Variants in CDC5L observed in about 807,000 individuals in gnomAD.
CDC5L encodes the protein cell division cycle 5 like, also known as cell division cycle 5-like protein.
CDC5L carries 18 observed loss-of-function variants against 104.1 expected under a neutral mutation model. The ratio of observed to expected loss-of-function variants is 0.17; its 90% CI spans 0.12 to 0.26. The LOEUF is 0.26. Among genes scored for constraint, CDC5L ranks in the 10% least tolerant of loss-of-function variants. The pLI is 1.00. For synonymous variants in CDC5L, 331 were observed against 322.7 expected, an observed-to-expected ratio of 1.03 and a Z score of -0.28; for missense variants, 673 against 956.9, an observed-to-expected ratio of 0.70 and a Z score of 3.91.
intron 2 of CDC5L, among the ~76,000 whole-genome samples, chr6:44,392,335 G>A (rs1436764818): frequency 5.3e-5 from 8 of 152,186 alleles, no homozygotes; most frequent in African/African-American, 1.4e-4. Flanking sequence ...TGTAAGAAAC[G>A]TGATTTTGTA....
intron 11 of CDC5L, 60 bp downstream of exon 11, chr6:44,424,643 A>G: frequency 6.5e-7 from 1 of 1,527,736 alleles, no homozygotes; most frequent in African/African-American, 1.4e-5. Flanking sequence ...GGCTGGAAGA[A>G]TGAAGAATAG....
intron 6 of CDC5L, among the ~76,000 whole-genome samples, chr6:44,405,865 G>T (rs185847488): frequency 5.3e-4 from 80 of 151,738 alleles, no homozygotes; most frequent in African/African-American, 1.8e-3. Context: ...TGGTGTAGGG[G>T]ACTACTTAAT....
chr6:44,408,727 T>C, intron 8 of CDC5L, 95 bp downstream of exon 8: 1 of 897,238 alleles, frequency 1.1e-6, no homozygotes, highest in Non-Finnish European at 1.6e-6. Context: ...GTGTTTCTTT[T>C]AGTGTAAATG....
At position 44,450,370 on chromosome 6, in the gene CDC5L, T is replaced by C. The variant is rs1288388739; in HGVS notation, c.*3659T>C. The C allele has an allele frequency of 6.6e-6, 1 of 152,224 alleles. No homozygotes were observed. The highest frequency in any genetic ancestry group is 2.4e-5 in the African/African-American group (1 of 41,450). The allele number at this position is 152,224 out of a possible 1,614,324, so 9.4% of individuals were successfully genotyped here. On this transcript the variant is annotated 3_prime_UTR_variant, in exon 16 of 16. Coordinates refer to ENST00000371477, the MANE Select transcript of CDC5L (RefSeq NM_001253.4). Reference sequence around the variant, plus strand: ...CTGTCAGTTTCTTTTGTGACTATTATGTTACCTATTTTTAAATTTAAGCAA... The same window carrying C: ...CTGTCAGTTTCTTTTGTGACTATTACGTTACCTATTTTTAAATTTAAGCAA...
chr6:44,419,566 A>G lies in CDC5L; in HGVS notation c.1210A>G (p.Thr404Ala), dbSNP rs183206100. The G allele has an allele frequency of 6.2e-7, 1 of 1,613,690 alleles. No homozygotes were observed. The highest frequency in any genetic ancestry group is 1.3e-5 in the African/African-American group (1 of 75,006). The change falls in exon 9 of 16, where the codon ACT becomes GCT. Residue 404 changes from threonine to alanine, a missense_variant. Physicochemically the swap from Thr to Ala is moderately conservative, Grantham distance 58. This residue lies in a region of CDC5L where 578 missense variants were observed against 737.0 expected (regional missense o/e 0.78). Coordinates refer to ENST00000371477, the MANE Select transcript of CDC5L (RefSeq NM_001253.4). ...GVTPQRQVVQ[T>A]PNTVLSTPFR... ...AACTCCACAGCGACAAGTTGTACAGACTCCAAACACAGTTCTCTCTACTCC... is the reference window on the plus strand; with the variant it reads ...AACTCCACAGCGACAAGTTGTACAGGCTCCAAACACAGTTCTCTCTACTCC...
At chr6:44,427,080 A>T (rs1022485447) in intron 13 of CDC5L, among the ~76,000 whole-genome samples, 34 of 152,222 alleles carry the variant, frequency 2.2e-4, no homozygotes, top group African/African-American at 8.0e-4. Context: ...TATTTAGAAT[A>T]ATATGAAGAG....
Position 44,426,239 on chromosome 6 carries a change from T to C in CDC5L, c.1650+56T>C, listed in dbSNP as rs548016032. ...TTTAAGTTTCTTTTTATATGATTGCTGCGTTTTACATCATTCATAAAGACT... is the reference window on the plus strand; with the variant it reads ...TTTAAGTTTCTTTTTATATGATTGCCGCGTTTTACATCATTCATAAAGACT... On this transcript the variant is annotated intron_variant, in intron 12 of 15. Transcript: ENST00000371477. 5 of 1,240,778 alleles carry C rather than the reference T, an allele frequency of 4.0e-6. No individual in the cohort carries two copies. In the South Asian group the frequency reaches 5.1e-5, roughly 13 times the overall value. 76.9% of individuals were successfully genotyped at this position (1,240,778 alleles called of 1,614,324 possible). A position where few individuals can be genotyped will look rare whatever the true frequency, so the allele number is the denominator to read the frequency against.
chr6:44,434,681 C>T (rs576824550), intron 14 of CDC5L, among the ~76,000 whole-genome samples: 10 of 152,282 alleles, frequency 6.6e-5, no homozygotes, highest in Admixed American at 5.9e-4. Flanking sequence ...TGTTTCTGAA[C>T]CTCACTGTAA....
intron 8 of CDC5L, among the ~76,000 whole-genome samples, chr6:44,410,678 TC>T: frequency 6.6e-6 from 1 of 152,342 alleles, no homozygotes; most frequent in Non-Finnish European, 1.5e-5. Flanking sequence ...AAAGTAAACC[TC>T]GTTTTTTCTT....
intron 14 of CDC5L, among the ~76,000 whole-genome samples, chr6:44,438,460 C>T (rs1404083754): frequency 6.6e-6 from 1 of 152,122 alleles, no homozygotes; most frequent in South Asian, 2.1e-4. Flanking sequence ...GATCTGAGAC[C>T]ATTTAAATCA....
At chr6:44,418,152 C>A (rs541668917) in intron 8 of CDC5L, among the ~76,000 whole-genome samples, 4 of 152,120 alleles carry the variant, frequency 2.6e-5, no homozygotes, top group Admixed American at 1.3e-4. Context: ...CCTCTCCCCC[C>A]ACCCTCCAAC....
chr6:44,410,555 G>T (rs1034558161), intron 8 of CDC5L, among the ~76,000 whole-genome samples: 1 of 152,088 alleles, frequency 6.6e-6, no homozygotes, highest in Non-Finnish European at 1.5e-5. Context: ...AGTATAACTG[G>T]GTATAGAATC....
At chr6:44,445,989 G>A in intron 15 of CDC5L, 122 bp downstream of exon 15, 2 of 755,594 alleles carry the variant, frequency 2.6e-6, no homozygotes, top group Non-Finnish European at 4.3e-6. Flanking sequence ...TTTTAAAAAT[G>A]AGAGCCTAAA....
rs2153380535 is a variant in CDC5L at position 44,419,550 on chromosome 6, G to A, written c.1194G>A (p.Gln398=). The change falls in exon 9 of 16, where the codon CAG becomes CAA. Residue 398 remains glutamine (Q), a synonymous_variant. Coordinates refer to ENST00000371477, the MANE Select transcript of CDC5L (RefSeq NM_001253.4). Reference sequence around the variant, plus strand: ...GTGACTTCTCAGGTGTAACTCCACAGCGACAAGTTGTACAGACTCCAAACA... The same window carrying A: ...GTGACTTCTCAGGTGTAACTCCACAACGACAAGTTGTACAGACTCCAAACA... ...HESDFSGVTP[Q]RQVVQTPNTV... 2 of 1,613,662 alleles carry A rather than the reference G, an allele frequency of 1.2e-6. No individual in the cohort carries two copies. Among genetic ancestry groups the A allele is most frequent in the Non-Finnish European group, 1.7e-6 (2 of 1,179,560 alleles).
At chr6:44,440,044 A>T (rs1365788076) in intron 14 of CDC5L, among the ~76,000 whole-genome samples, 1 of 152,208 alleles carries the variant, frequency 6.6e-6, no homozygotes, top group Non-Finnish European at 1.5e-5. Context: ...TTATAAAGGA[A>T]ATTAACAGTT....
chr6:44,436,913 A>C (rs2153383371), intron 14 of CDC5L, among the ~76,000 whole-genome samples: 1 of 152,346 alleles, frequency 6.6e-6, no homozygotes, highest in Middle Eastern at 3.4e-3. Flanking sequence ...GGTCTACTTT[A>C]AATTCCTATC....
At chr6:44,419,378 G>C in intron 8 of CDC5L, 71 bp from the exon 9 acceptor site, 1 of 1,445,042 alleles carries the variant, frequency 6.9e-7, no homozygotes, top group Non-Finnish European at 9.6e-7. Flanking sequence ...GATTGGTATA[G>C]TAGGACCAGA....
intron 4 of CDC5L, among the ~76,000 whole-genome samples, chr6:44,393,929 G>A (rs1159398798): frequency 6.6e-6 from 1 of 152,208 alleles, no homozygotes; most frequent in Non-Finnish European, 1.5e-5. Flanking sequence ...GCCTCCAAAA[G>A]TGTTGAGATT....
intron 8 of CDC5L, among the ~76,000 whole-genome samples, chr6:44,418,300 T>C (rs1317395286): frequency 2.6e-5 from 4 of 152,282 alleles, no homozygotes; most frequent in East Asian, 3.9e-4. Flanking sequence ...TCCAATTTCA[T>C]CCATGTCCCT....
Sources: allele counts gnomAD v4.1 joint callset (sites outside exome capture counted in the v4.1 genomes callset), GRCh38; gene constraint gnomAD v4.1.1; regional missense constraint gnomAD v4.1.1; transcripts MANE v1.5; gene names NCBI Gene and HGNC (gene_info 2026-07-23, HGNC 2026-07-21).